NRK: variants seen among roughly 807,000 people sequenced by gnomAD.
NRK encodes nik-related protein kinase.
A neutral mutation model predicts 125.2 loss-of-function variants in NRK; 67 were observed. The ratio of observed to expected loss-of-function variants is 0.54; its 90% CI spans 0.44 to 0.66. The LOEUF (loss-of-function observed/expected upper bound fraction) is 0.66. Ranked by LOEUF, NRK falls within the 30% of genes least tolerant of loss-of-function variation. NRK has a pLI of 0.00. For missense variants in NRK, 1,224 were observed against 1,192.9 expected, an observed-to-expected ratio of 1.03 and a Z score of -0.38; for synonymous variants, 458 against 429.0, an observed-to-expected ratio of 1.07 and a Z score of -0.84.
intron 26 of NRK, chrX:105,948,420 T>C (rs1053732307): frequency 1.1e-5 from 3 of 264,452 alleles, no homozygotes; most frequent in Admixed American, 6.4e-5. Flanking sequence ...AAAAATACTA[T>C]TTTTCCAAGA....
rs41304468 is a variant in NRK at position 105,956,698 on chromosome X, G to A, written c.*1098G>A. 9.0e-6 allele frequency: 1 copy of A among 111,184 alleles called. No homozygotes were observed. The highest frequency in any genetic ancestry group is 3.3e-5 in the African/African-American group (1 of 30,608). 9.2% of individuals were successfully genotyped at this position (111,184 alleles called of 1,213,427 possible). A position where few individuals can be genotyped will look rare whatever the true frequency, so the allele number is the denominator to read the frequency against. On this transcript the variant is annotated 3_prime_UTR_variant, in exon 29 of 29. Transcript: ENST00000243300. ...ACTTAATGTTAAAGGTTAAAAAAAA[G>A]ATTTCACAAAATATACAACTTTCAC... is the stretch of plus-strand genomic sequence containing the variant.
chrX:105,900,151 TACACACACACACACAC>T (rs202022404), intron 8 of NRK, among the ~76,000 whole-genome samples: 26 of 89,391 alleles, frequency 2.9e-4, no homozygotes, highest in Non-Finnish European at 4.3e-4. Context: ...ACTGCTGAAG[TACACACACACACACAC>T]ACACACACAC....
chrX:105,826,150 T>TATATATCTTACCATATATATATAATC (rs2039092945), intron 1 of NRK, among the ~76,000 whole-genome samples: 1 of 92,949 alleles, frequency 1.1e-5, no homozygotes, highest in Non-Finnish European at 2.1e-5. Flanking sequence ...TATATGATTA[T>TATATATCTTACCATATATATATAATC]ATATATATGG....
At position 105,924,762 on chromosome X, in the gene NRK, G is replaced by T. The variant is rs370047556; in HGVS notation, c.3043G>T (p.Ala1015Ser). ...TGATGGAAGTCGTGGAAAAGAGGAA[G>T]CCTACAGAGGCTATGGAAGCCATAC... is the stretch of plus-strand genomic sequence containing the variant. ...GYDGSRGKEE[A>S]YRGYGSHTAN... The change falls in exon 19 of 29, where the codon GCC becomes TCC. Residue 1015 changes from alanine (A) to serine (S), a missense_variant. Ala to Ser is a moderately conservative substitution (Grantham distance 99). Coordinates refer to ENST00000243300, the MANE Select transcript of NRK (RefSeq NM_198465.4). 4.8e-5 allele frequency: 58 copies of T among 1,204,438 alleles called. No homozygotes were observed. The highest frequency in any genetic ancestry group is 6.4e-5 in the Non-Finnish European group (57 of 892,068).
At chrX:105,933,494 A>C (rs1369050632) in intron 19 of NRK, among the ~76,000 whole-genome samples, 1 of 111,906 alleles carries the variant, frequency 8.9e-6, no homozygotes, top group Non-Finnish European at 1.9e-5. Flanking sequence ...ACAATAGTTG[A>C]CATATTTTCC....
chrX:105,908,169 G>A, intron 11 of NRK, 71 bp from the exon 12 acceptor site: 1 of 589,945 alleles, frequency 1.7e-6, no homozygotes, highest in Non-Finnish European at 2.7e-6. Context: ...GAGGGAACAA[G>A]GTGATTAAGT....
intron 13 of NRK, among the ~76,000 whole-genome samples, chrX:105,910,225 ACT>A (rs2040281301): frequency 8.9e-6 from 1 of 112,094 alleles, no homozygotes; most frequent in African/African-American, 3.2e-5. Flanking sequence ...TTCAAAGATA[ACT>A]CATCAAAAAT....
intron 27 of NRK, 130 bp downstream of exon 27, chrX:105,949,864 A>G (rs1244539456): frequency 2.2e-6 from 1 of 450,578 alleles, no homozygotes; most frequent in Non-Finnish European, 3.8e-6. Context: ...GGGGTTCTGC[A>G]TAATTATTCT....
chrX:105,881,884 T>C (rs2039888731), intron 4 of NRK, 105 bp downstream of exon 4: 1 of 457,042 alleles, frequency 2.2e-6, no homozygotes, highest in African/African-American at 2.4e-5. Context: ...AGACTGCTAC[T>C]AAAAGTGTTC....
chrX:105,882,321 G>C (rs1331887736), intron 4 of NRK, among the ~76,000 whole-genome samples: 1 of 109,432 alleles, frequency 9.1e-6, no homozygotes, highest in African/African-American at 3.3e-5. Flanking sequence ...AAGGTCTTCA[G>C]ACATCTGGTA....
intron 23 of NRK, among the ~76,000 whole-genome samples, chrX:105,941,875 A>G (rs763132371): frequency 9.0e-6 from 1 of 110,598 alleles, no homozygotes; most frequent in African/African-American, 3.3e-5. Flanking sequence ...TCCCCAAAAG[A>G]AACCCCATAT....
Position 105,875,816 on chromosome X carries a change from T to C in NRK, c.124-4383T>C, listed in dbSNP as rs556241499. Among the ~76,000 whole-genome samples the C allele has an allele frequency of 3.6e-5, 4 of 111,147 alleles. No homozygotes were observed. The South Asian group carries it at 1.5e-3, about 42-fold the overall frequency. Reference sequence around the variant, plus strand: ...AGCATTGTTACTACCTATTGTCTTCTGTTCCTCAAATACGAAAGAGCCTAT... The same window carrying C: ...AGCATTGTTACTACCTATTGTCTTCCGTTCCTCAAATACGAAAGAGCCTAT... On this transcript the variant is annotated intron_variant, in intron 2 of 28. Transcript: ENST00000243300.
rs2040805300 is a variant in NRK at position 105,945,896 on chromosome X, T to C, written c.4084T>C (p.Ser1362Pro). 1.8e-5 allele frequency: 22 copies of C among 1,208,387 alleles called. No homozygotes were observed. The highest frequency in any genetic ancestry group is 2.1e-5 in the Non-Finnish European group (19 of 892,778). Residue 1362 changes from serine to proline, a missense_variant, in exon 25 of 29, where the codon TCT (serine) becomes CCT (proline). Coordinates refer to ENST00000243300, the MANE Select transcript of NRK (RefSeq NM_198465.4). ...IKVCIDQSAD[S>P]EGDYMSYQAY... Reference sequence around the variant, plus strand: ...AGTATGCATTGATCAATCAGCAGACTCTGAAGGAGACTACATGTCCTATCA... The same window carrying C: ...AGTATGCATTGATCAATCAGCAGACCCTGAAGGAGACTACATGTCCTATCA...
At chrX:105,830,989 AAGAT>A (rs1489818044) in intron 1 of NRK, 61 bp from the exon 2 acceptor site, 3 of 669,873 alleles carry the variant, frequency 4.5e-6, no homozygotes, top group Non-Finnish European at 7.1e-6. Flanking sequence ...TATTAAAAAA[AAGAT>A]AGTTGAATGC....
chrX:105,903,521 A>G (rs893288911), intron 9 of NRK, among the ~76,000 whole-genome samples: 10 of 111,917 alleles, frequency 8.9e-5, no homozygotes, highest in African/African-American at 3.2e-4. Flanking sequence ...TCAAGAGATA[A>G]TGTGATTTTT....
chrX:105,879,226 T>C (rs966749085), intron 2 of NRK, among the ~76,000 whole-genome samples: 14 of 110,919 alleles, frequency 1.3e-4, no homozygotes, highest in African/African-American at 4.6e-4. Context: ...TGATTACATC[T>C]GCAAAGACCC....
chrX:105,913,590 T>A, intron 14 of NRK, among the ~76,000 whole-genome samples: 1 of 111,861 alleles, frequency 8.9e-6, no homozygotes, highest in South Asian at 3.7e-4. Flanking sequence ...GCTCAAATTT[T>A]ATCATTGCTA....
At chrX:105,914,689 A>G (rs898924082) in intron 14 of NRK, among the ~76,000 whole-genome samples, 1 of 108,825 alleles carries the variant, frequency 9.2e-6, no homozygotes, top group African/African-American at 3.3e-5. Context: ...ATAGGCAGAT[A>G]CTTACCCTCA....
At chrX:105,880,626 T>G (rs1245638805) in intron 3 of NRK, among the ~76,000 whole-genome samples, 3 of 111,031 alleles carry the variant, frequency 2.7e-5, no homozygotes, top group Non-Finnish European at 5.7e-5. Flanking sequence ...ATCATATTAT[T>G]TTCCCTCTCC....
Sources: allele counts gnomAD v4.1 joint callset (sites outside exome capture counted in the v4.1 genomes callset), GRCh38; gene constraint gnomAD v4.1.1; transcripts MANE v1.5; gene names NCBI Gene and HGNC (gene_info 2026-07-23, HGNC 2026-07-21).